The following CEP350 variants were observed in gnomAD, a reference collection of about 807,000 sequenced individuals.
CEP350 encodes centrosomal protein 350, also known as centrosome-associated protein 350.
Under a neutral mutation model 331.8 loss-of-function variants are expected in CEP350, and 126 were observed. The observed-to-expected ratio is 0.38, with a 90% CI of 0.33 to 0.44. The LOEUF (loss-of-function observed/expected upper bound fraction) is 0.44, where lower values mean the gene tolerates loss of function less well. CEP350 is among the 20% of genes least tolerant of loss of function. The pLI is 1.00. For synonymous variants in CEP350, 1,200 were observed against 1,259.5 expected (o/e 0.95, Z 1.00); for missense variants, 3,406 against 3,634.6 (o/e 0.94, Z 1.62).
intron 7 of CEP350, among the ~76,000 whole-genome samples, chr1:180,005,297 G>T (rs78359950): frequency 0.03 from 4,551 of 151,880 alleles, 120 homozygotes; most frequent in South Asian, 0.07. Flanking sequence ...AAATAAATGT[G>T]GTCATGATAT....
Position 180,095,835 on chromosome 1 carries a change from C to T in CEP350, c.8824C>T (p.His2942Tyr). The change falls in exon 35 of 38, where the codon CAC (histidine) becomes TAC (tyrosine). Residue 2942 changes from histidine to tyrosine, a missense_variant. His to Tyr is a moderately conservative substitution (Grantham distance 83). This residue lies in a region of CEP350 where 1,415 missense variants were observed against 1,512.3 expected (regional missense o/e 0.94). Transcript: ENST00000367607. ...ACTTTGGAAATGGAAAGAATTAGGC[C>T]ACGATCTTCATAGCATCAGTATTCC... ...EELWKWKELG[H>Y]DLHSISIPTK... 6.2e-7 allele frequency: 1 copy of T among 1,613,936 alleles called. No individual in the cohort carries two copies.
At chr1:180,044,979 C>A (rs966936596) in intron 21 of CEP350, among the ~76,000 whole-genome samples, 1 of 151,140 alleles carries the variant, frequency 6.6e-6, no homozygotes, top group African/African-American at 2.4e-5. Flanking sequence ...CCTTCAAAGG[C>A]TGTGTTTATT....
chr1:180,002,434 A>G (rs1028489800), intron 6 of CEP350, among the ~76,000 whole-genome samples: 1 of 152,188 alleles, frequency 6.6e-6, no homozygotes, highest in Non-Finnish European at 1.5e-5. Flanking sequence ...AGATCTTGCC[A>G]TTGCACTCCA....
At chr1:180,059,081 A>G (rs1658042408) in intron 25 of CEP350, among the ~76,000 whole-genome samples, 1 of 152,218 alleles carries the variant, frequency 6.6e-6, no homozygotes, top group Non-Finnish European at 1.5e-5. Context: ...TACAAGAGGG[A>G]CAAACCTGTT....
intron 4 of CEP350, 43 bp from the exon 5 acceptor site, chr1:179,992,019 G>A (rs981174123): frequency 2.0e-6 from 3 of 1,474,596 alleles, no homozygotes; most frequent in Non-Finnish European, 2.7e-6. Flanking sequence ...AGAGGCAGTT[G>A]TATTTTATAT....
rs1323725282 is a variant in CEP350, at chr1:180,037,051, G to A, written c.4072G>A (p.Ala1358Thr). Residue 1358 changes from alanine (A) to threonine (T), a missense_variant, in exon 17 of 38, where the codon GCT (alanine) becomes ACT (threonine). This residue lies in a region of CEP350 where 1,857 missense variants were observed against 1,909.2 expected (regional missense o/e 0.97). Transcript: ENST00000367607. ...AGAAAGAGTTAGAGGCATTTCACTT[G>A]CTCAGCAGGAGAGTGTGTCTCTAGC... ...DVERVRGISL[A>T]QQESVSLAQI... 6 of 1,605,456 alleles carry A rather than the reference G, an allele frequency of 3.7e-6. No homozygotes were observed. The highest frequency in any genetic ancestry group is 5.1e-6 in the Non-Finnish European group (6 of 1,175,836).
chr1:180,026,141 G>A (rs1406706939), intron 14 of CEP350, among the ~76,000 whole-genome samples: 1 of 151,956 alleles, frequency 6.6e-6, no homozygotes, highest in Non-Finnish European at 1.5e-5. Flanking sequence ...CATGTTGGTG[G>A]GTGCCTATAA....
intron 10 of CEP350, among the ~76,000 whole-genome samples, chr1:180,015,355 C>T (rs552859779): frequency 6.6e-6 from 1 of 152,176 alleles, no homozygotes; most frequent in African/African-American, 2.4e-5. Flanking sequence ...CTACTTCAGC[C>T]TCCTGAGTAG....
At chr1:180,078,417 A>T (rs1659364580) in intron 28 of CEP350, 46 bp from the exon 29 acceptor site, 4 of 1,407,068 alleles carry the variant, frequency 2.8e-6, no homozygotes, top group Non-Finnish European at 4.0e-6. Flanking sequence ...TTTCCCATTG[A>T]CCAAGATTGT....
intron 1 of CEP350, among the ~76,000 whole-genome samples, chr1:179,963,500 T>TA (rs1650780410): frequency 6.6e-6 from 1 of 151,864 alleles, no homozygotes; most frequent in Non-Finnish European, 1.5e-5. Context: ...TGGTGAAAGG[T>TA]AGGGGGTCCA....
At chr1:180,036,469 A>G (rs1309785093) in intron 16 of CEP350, among the ~76,000 whole-genome samples, 1 of 152,236 alleles carries the variant, frequency 6.6e-6, no homozygotes, top group African/African-American at 2.4e-5. Flanking sequence ...TATTTTAAGA[A>G]GTTGCCACAG....
At chr1:180,110,175 A>G (rs1661395201) in intron 37 of CEP350, among the ~76,000 whole-genome samples, 1 of 152,216 alleles carries the variant, frequency 6.6e-6, no homozygotes, top group Non-Finnish European at 1.5e-5. Context: ...ATTTATTATA[A>G]TACCCCAGAG....
At chr1:179,993,843 T>C (rs562384503) in intron 5 of CEP350, among the ~76,000 whole-genome samples, 1 of 152,208 alleles carries the variant, frequency 6.6e-6, no homozygotes, top group Non-Finnish European at 1.5e-5. Context: ...TTAAAACTCT[T>C]ATTACTTTCT....
intron 21 of CEP350, 22 bp from the exon 22 acceptor site, chr1:180,048,514 G>A (rs1410814050): frequency 1.3e-6 from 2 of 1,544,986 alleles, no homozygotes; most frequent in East Asian, 2.3e-5. Context: ...TGTTGTTGTT[G>A]TTTCCATGTA....
Position 180,031,408 on chromosome 1 carries a change from G to A in CEP350, c.3639G>A (p.Gly1213=). ...GCTCCCATCAAGGAAAGAAATCTGG[G>A]ACCAGCAGCAAACTTTCTGTTAAAG... ...ERGSHQGKKS[G]TSSKLSVKDF... is the part of the protein sequence containing the mutation. Residue 1213 remains glycine (G), a synonymous_variant, in exon 15 of 38, where the codon GGG becomes GGA. Coordinates refer to ENST00000367607, the MANE Select transcript of CEP350 (RefSeq NM_014810.5). The A allele has an allele frequency of 6.2e-7, 1 of 1,606,292 alleles. No homozygotes were observed. Among genetic ancestry groups the A allele is most frequent in the South Asian group, 1.1e-5 (1 of 90,346 alleles).
Position 180,041,179 on chromosome 1 carries a change from A to G in CEP350, c.4152A>G (p.Lys1384=). ...QRHERDLALL[K]LKAEQEALES... is the part of the protein sequence containing the mutation. Reference sequence around the variant, plus strand: ...ATGAAAGAGACTTGGCCCTCTTGAAACTAAAGGCTGAACAAGAGGCTCTGG... The same window carrying G: ...ATGAAAGAGACTTGGCCCTCTTGAAGCTAAAGGCTGAACAAGAGGCTCTGG... The change falls in exon 18 of 38, where the codon AAA becomes AAG. Residue 1384 remains lysine, a synonymous_variant. Transcript: ENST00000367607. The G allele has an allele frequency of 6.3e-7, 1 of 1,598,760 alleles. No individual in the cohort carries two copies. The highest frequency in any genetic ancestry group is 8.5e-7 in the Non-Finnish European group (1 of 1,172,526).
At chr1:180,047,954 C>A (rs1294960988) in intron 21 of CEP350, among the ~76,000 whole-genome samples, 1 of 151,990 alleles carries the variant, frequency 6.6e-6, no homozygotes, top group East Asian at 1.9e-4. Context: ...GACATGATTT[C>A]AAGCTTATAG....
At position 180,087,674 on chromosome 1, in the gene CEP350, G is replaced by C; in HGVS notation, c.6382G>C (p.Ala2128Pro). The change falls in exon 32 of 38, where the codon GCT becomes CCT. Residue 2128 changes from alanine to proline, a missense_variant. By Grantham distance (27) the Ala-to-Pro change is conservative. Transcript: ENST00000367607. ...GCCTCAGATTAAAACGCTCTCCTCA[G>C]CTTCTGAAAAACCCAAGATCAAACC... is the stretch of plus-strand genomic sequence containing the variant. ...AKPQIKTLSS[A>P]SEKPKIKPLT... The C allele has an allele frequency of 6.3e-7, 1 of 1,582,846 alleles. No individual in the cohort carries two copies. Among genetic ancestry groups the C allele is most frequent in the Non-Finnish European group, 8.6e-7 (1 of 1,162,930 alleles).
chr1:180,069,962 T>C (rs1245209530), intron 27 of CEP350, among the ~76,000 whole-genome samples: 1 of 152,186 alleles, frequency 6.6e-6, no homozygotes, highest in Non-Finnish European at 1.5e-5. Flanking sequence ...TGCATAAGGA[T>C]TCACTAATAA....
Sources: allele counts gnomAD v4.1 joint callset (sites outside exome capture counted in the v4.1 genomes callset), GRCh38; gene constraint gnomAD v4.1.1; regional missense constraint gnomAD v4.1.1; transcripts MANE v1.5; gene names NCBI Gene and HGNC (gene_info 2026-07-23, HGNC 2026-07-21).